PTPRJ: variants seen among roughly 807,000 people sequenced by gnomAD.
PTPRJ encodes receptor-type tyrosine-protein phosphatase eta.
Under a neutral mutation model 141.3 loss-of-function variants are expected in PTPRJ, and 129 were observed. That is an observed-to-expected ratio of 0.91 (90% CI 0.79 to 1.06). The LOEUF (loss-of-function observed/expected upper bound fraction) is 1.06. Among genes scored for constraint, PTPRJ ranks in the 50% least tolerant of loss-of-function variants. The pLI is 0.00. For synonymous variants in PTPRJ, 610 were observed against 640.5 expected (o/e 0.95, Z 0.72); for missense variants, 1,601 against 1,679.7 (o/e 0.95, Z 0.82).
At chr11:48,148,025 A>T (rs1347320056) in intron 15 of PTPRJ, among the ~76,000 whole-genome samples, 2 of 151,888 alleles carry the variant, frequency 1.3e-5, no homozygotes, top group African/African-American at 4.8e-5. Flanking sequence ...TTGTATTTTT[A>T]GTAGAGACGG....
intron 24 of PTPRJ, 85 bp from the exon 25 acceptor site, chr11:48,167,119 G>C: frequency 7.5e-7 from 1 of 1,333,320 alleles, no homozygotes; most frequent in Non-Finnish European, 1.1e-6. Flanking sequence ...TTGGGCGGGG[G>C]AATGACCTGT....
At chr11:48,119,494 G>A (rs771436938) in intron 3 of PTPRJ, among the ~76,000 whole-genome samples, 7 of 152,170 alleles carry the variant, frequency 4.6e-5, no homozygotes, top group East Asian at 1.9e-4. Context: ...TGCCTCCTGG[G>A]TTCAAGTGAT....
At chr11:48,017,802 G>A (rs1369963090) in intron 1 of PTPRJ, among the ~76,000 whole-genome samples, 3 of 152,204 alleles carry the variant, frequency 2.0e-5, no homozygotes, top group Non-Finnish European at 4.4e-5. Flanking sequence ...ATAAGGGTGA[G>A]GGACAGTTTA....
Position 47,980,836 on chromosome 11 carries a change from C to G in PTPRJ, c.-77C>G. 2 of 1,060,270 alleles carry G rather than the reference C, an allele frequency of 1.9e-6. No homozygotes were observed. The highest frequency in any genetic ancestry group is 8.7e-4 in the Middle Eastern group (2 of 2,302). The allele number at this position is 1,060,270 out of a possible 1,614,324, so 65.7% of individuals were successfully genotyped here. A position where few individuals can be genotyped will look rare whatever the true frequency, so the allele number is the denominator to read the frequency against. On this transcript the variant is annotated 5_prime_UTR_variant, in exon 1 of 25. Transcript: ENST00000418331. ...AGGCGAAGGAGACGGCAGGAGGCGG[C>G]GACGACGGTGCCCGGGCTCGGGCGC...
intron 1 of PTPRJ, among the ~76,000 whole-genome samples, chr11:48,068,842 T>G (rs974797184): frequency 2.0e-5 from 3 of 152,048 alleles, no homozygotes; most frequent in Admixed American, 6.6e-5. Context: ...GTAGATCAAG[T>G]AAGTTCTACA....
At position 48,089,533 on chromosome 11, in the gene PTPRJ, CAAAA is replaced by C. The variant is rs75007177; in HGVS notation, c.97-20520_97-20517del. On this transcript the variant is annotated intron_variant, in intron 1 of 24. Coordinates refer to ENST00000418331, the MANE Select transcript of PTPRJ (RefSeq NM_002843.4). ...TCCATCTCAAAAAAAAAAAAAAAAA[CAAAA>C]AAAACCCACACACAACAAAAAATAA... Among the ~76,000 whole-genome samples, 1,136 of 128,812 alleles carry C rather than the reference CAAAA, an allele frequency of 8.8e-3. 14 individuals carry two copies. The highest frequency in any genetic ancestry group is 0.024 in the Middle Eastern group (6 of 248). The allele number at this position is 128,812 out of a possible 152,430, so 84.5% of individuals were successfully genotyped here.
chr11:48,046,176 A>G (rs1326376322), intron 1 of PTPRJ: 2 of 152,116 alleles, frequency 1.3e-5, no homozygotes, highest in African/African-American at 4.8e-5. Context: ...CCTCCCGAGT[A>G]GCTGGGACTA....
chr11:48,137,919 G>C (rs118168670), intron 10 of PTPRJ, among the ~76,000 whole-genome samples: 2 of 152,198 alleles, frequency 1.3e-5, no homozygotes, highest in Non-Finnish European at 2.9e-5. Context: ...CTGAAAATGT[G>C]TGATAAAGAG....
In PTPRJ at chr11:48,159,821, T is replaced by G. The variant is rs1434488583; in HGVS notation, c.3439-109T>G. 8 of 1,404,060 alleles carry G rather than the reference T, an allele frequency of 5.7e-6. No homozygotes were observed. In the Admixed American group the frequency reaches 1.6e-4, roughly 27 times the overall value. The allele number at this position is 1,404,060 out of a possible 1,614,324, so 87.0% of individuals were successfully genotyped here. A position where few individuals can be genotyped will look rare whatever the true frequency, so the allele number is the denominator to read the frequency against. ...TCAAACAAAACCCAACTAGAAGGTC[T>G]GATTCCATCTCTGATGCCAGTTTTC... On this transcript the variant is annotated intron_variant, in intron 21 of 24. Coordinates refer to ENST00000418331, the MANE Select transcript of PTPRJ (RefSeq NM_002843.4).
chr11:48,021,369 C>T lies in PTPRJ; in HGVS notation c.96+40361C>T, dbSNP rs578099641. Among the ~76,000 whole-genome samples the T allele has an allele frequency of 8.4e-5, 12 of 142,348 alleles. No individual in the cohort carries two copies. The South Asian group carries it at 1.2e-3, about 14-fold the overall frequency. 93.4% of individuals were successfully genotyped at this position (142,348 alleles called of 152,430 possible). ...AGCCTGGGCGGCAAGAGCAAGACTCCGTCCCTAAAATAAATAAATAAATAA... is the reference window on the plus strand; with the variant it reads ...AGCCTGGGCGGCAAGAGCAAGACTCTGTCCCTAAAATAAATAAATAAATAA... On this transcript the variant is annotated intron_variant, in intron 1 of 24. Transcript: ENST00000418331.
Position 48,019,052 on chromosome 11 carries a change from C to A in PTPRJ, c.96+38044C>A, listed in dbSNP as rs1261183966. ...TGTGTGTCTTGGGGGATGGAGAACC[C>A]CTCTCAGGAGGGCCTGTGGAAAGGC... is the stretch of plus-strand genomic sequence containing the variant. On this transcript the variant is annotated intron_variant, in intron 1 of 24. Coordinates refer to ENST00000418331, the MANE Select transcript of PTPRJ (RefSeq NM_002843.4). 5.3e-5 allele frequency among the ~76,000 whole-genome samples: 8 copies of A among 152,062 alleles called. No homozygotes were observed. In the East Asian group the frequency reaches 7.7e-4, roughly 15 times the overall value.
At chr11:48,069,126 G>A (rs1218919713) in intron 1 of PTPRJ, among the ~76,000 whole-genome samples, 2 of 150,750 alleles carry the variant, frequency 1.3e-5, no homozygotes, top group Non-Finnish European at 2.9e-5. Context: ...TTCAGATGGA[G>A]TCTCGCTCTG....
chr11:48,124,892 G>A (rs72903540), intron 5 of PTPRJ, 76 bp from the exon 6 acceptor site: 24,946 of 1,412,490 alleles, frequency 0.018, 258 homozygotes, highest in Non-Finnish European at 0.021. Flanking sequence ...ATCTGATGGG[G>A]TTGGGGCTCC....
In PTPRJ at chr11:48,168,532, GTGTATATATATA is replaced by G. The variant is rs1157572278; in HGVS notation, c.*1172_*1183del. 184 of 43,912 alleles carry G rather than the reference GTGTATATATATA, an allele frequency of 4.2e-3. 12 individuals are homozygous for G. The highest frequency in any genetic ancestry group is 7.1e-3 in the Admixed American group (23 of 3,226). The allele number at this position is 43,912 out of a possible 1,614,324, so 2.7% of individuals were successfully genotyped here. On this transcript the variant is annotated 3_prime_UTR_variant, in exon 25 of 25. Coordinates refer to ENST00000418331, the MANE Select transcript of PTPRJ (RefSeq NM_002843.4). The stretch of plus-strand genomic sequence containing the variant: ...GCCGTGACACATATCGGAATCTACT[GTGTATATATATA>G]TATATATATATATATATATATATAT...
chr11:48,020,429 A>G (rs1466536493), intron 1 of PTPRJ, among the ~76,000 whole-genome samples: 1 of 152,168 alleles, frequency 6.6e-6, no homozygotes, highest in African/African-American at 2.4e-5. Flanking sequence ...TTATGGGAGT[A>G]TCTCTTGATT....
chr11:48,070,190 C>T, intron 1 of PTPRJ, among the ~76,000 whole-genome samples: 1 of 152,030 alleles, frequency 6.6e-6, no homozygotes, highest in Admixed American at 6.6e-5. Flanking sequence ...GGTTAGCTCA[C>T]CAGGAGGATG....
intron 7 of PTPRJ, 32 bp from the exon 8 acceptor site, chr11:48,130,427 T>G (rs1391463703): frequency 3.8e-6 from 6 of 1,583,158 alleles, no homozygotes; most frequent in Non-Finnish European, 5.2e-6. Flanking sequence ...AGAAGTATAT[T>G]TTTAATCTAG....
At chr11:48,042,971 T>G (rs189487647) in intron 1 of PTPRJ, among the ~76,000 whole-genome samples, 127 of 152,296 alleles carry the variant, frequency 8.3e-4, no homozygotes, top group African/African-American at 2.9e-3. Context: ...ATAAAAGGTT[T>G]TCTTTTGATT....
At chr11:47,982,961 A>G (rs998392595) in intron 1 of PTPRJ, among the ~76,000 whole-genome samples, 1 of 152,166 alleles carries the variant, frequency 6.6e-6, no homozygotes, top group African/African-American at 2.4e-5. Flanking sequence ...GCATCTTCAA[A>G]ATCCACATTC....
Sources: gnomAD v4.1 joint callset for allele counts (sites outside exome capture counted in the v4.1 genomes callset) on GRCh38, gnomAD v4.1.1 for gene constraint, MANE v1.5 for transcripts, NCBI Gene and HGNC (gene_info 2026-07-23, HGNC 2026-07-21) for gene names.